Variants in PARD3B observed in about 807,000 individuals in gnomAD.
The protein encoded by PARD3B is par-3 family cell polarity regulator beta, also known as partitioning defective 3 homolog B.
Under a neutral mutation model 130.2 loss-of-function variants are expected in PARD3B, and 103 were observed. The observed-to-expected ratio is 0.79, with a 90% CI of 0.67 to 0.93. The LOEUF is 0.93. PARD3B is among the 40% of genes least tolerant of loss of function. The pLI is 0.00. For missense variants in PARD3B, 1,609 were observed against 1,499.2 expected (o/e 1.07, Z -1.21); for synonymous variants, 583 against 553.2 (o/e 1.05, Z -0.76).
chr2:204,992,117 A>G (rs1441301189), intron 3 of PARD3B, among the ~76,000 whole-genome samples: 1 of 151,386 alleles, frequency 6.6e-6, no homozygotes, highest in African/African-American at 2.4e-5. Context: ...TTTTGTTGCC[A>G]TTGCTTTTGG....
chr2:204,735,741 T>C (rs1055501390), intron 2 of PARD3B, among the ~76,000 whole-genome samples: 4 of 152,168 alleles, frequency 2.6e-5, no homozygotes, highest in African/African-American at 7.2e-5. Flanking sequence ...GGTGTGATAA[T>C]GGCATTTTGG....
At chr2:205,479,845 C>T (rs904443142) in intron 20 of PARD3B, among the ~76,000 whole-genome samples, 5 of 152,036 alleles carry the variant, frequency 3.3e-5, no homozygotes, top group African/African-American at 1.2e-4. Flanking sequence ...TCTGTTCAAC[C>T]TCATCACTTG....
chr2:205,382,082 A>G (rs921095608), intron 18 of PARD3B, among the ~76,000 whole-genome samples: 5 of 152,070 alleles, frequency 3.3e-5, no homozygotes, highest in Non-Finnish European at 5.9e-5. Context: ...CATGGTTACA[A>G]AACTATTAAC....
chr2:205,455,374 A>G (rs777111059), intron 20 of PARD3B, among the ~76,000 whole-genome samples: 2 of 152,074 alleles, frequency 1.3e-5, no homozygotes, highest in Non-Finnish European at 2.9e-5. Flanking sequence ...AAACAGAAAA[A>G]CAGCAGCTGG....
intron 19 of PARD3B, among the ~76,000 whole-genome samples, chr2:205,424,079 A>C (rs567914483): frequency 6.6e-6 from 1 of 152,284 alleles, no homozygotes; most frequent in South Asian, 2.1e-4. Flanking sequence ...CCCTGAACTT[A>C]AAAGTTTTTA....
chr2:205,483,679 C>T (rs370889301), intron 20 of PARD3B, among the ~76,000 whole-genome samples: 1 of 152,024 alleles, frequency 6.6e-6, no homozygotes, highest in Non-Finnish European at 1.5e-5. Context: ...GAAATGATTC[C>T]CTTTTTTTCA....
intron 3 of PARD3B, among the ~76,000 whole-genome samples, chr2:205,004,227 T>C (rs1162668059): frequency 6.6e-6 from 1 of 152,192 alleles, no homozygotes; most frequent in Non-Finnish European, 1.5e-5. Flanking sequence ...TAGAGGAAAC[T>C]AGGGAAGAGA....
Position 205,300,788 on chromosome 2 carries a change from A to G in PARD3B, c.2392+52A>G, listed in dbSNP as rs1465635860. ...CTTCTTCATCTCATTATTATCTGCAAATCATGGGCAAGAATGTGTGCTCAA... is the reference window on the plus strand; with the variant it reads ...CTTCTTCATCTCATTATTATCTGCAGATCATGGGCAAGAATGTGTGCTCAA... On this transcript the variant is annotated intron_variant, in intron 17 of 22. Coordinates refer to ENST00000406610, the MANE Select transcript of PARD3B (RefSeq NM_001302769.2). This position sits in a 1 kb window ranked among gnomAD's most constrained non-coding sequence, Gnocchi z 4.1. The G allele has an allele frequency of 6.5e-7, 1 of 1,534,594 alleles. No individual in the cohort carries two copies. The highest frequency in any genetic ancestry group is 1.7e-5 in the Admixed American group (1 of 57,248).
At chr2:204,593,211 T>A (rs78291070) in intron 1 of PARD3B, among the ~76,000 whole-genome samples, 1 of 151,976 alleles carries the variant, frequency 6.6e-6, no homozygotes, top group African/African-American at 2.4e-5. Flanking sequence ...AGGGCTACTA[T>A]AACAGGTCTT....
rs1415091633 is a variant in PARD3B at position 205,241,497 on chromosome 2, G to A, written c.2141-4281G>A. Among the ~76,000 whole-genome samples, 2 of 151,968 alleles carry A rather than the reference G, an allele frequency of 1.3e-5. No individual in the cohort carries two copies. Among genetic ancestry groups the A allele is most frequent in the Non-Finnish European group, 2.9e-5 (2 of 67,970 alleles). Reference sequence around the variant, plus strand: ...TTCAATTATTGTAATATCCATTTACGATAATCAAGAGCAAGTAGTACCAGT... The same window carrying A: ...TTCAATTATTGTAATATCCATTTACAATAATCAAGAGCAAGTAGTACCAGT... On this transcript the variant is annotated intron_variant, in intron 15 of 22. Transcript: ENST00000406610. This position sits in a 1 kb window ranked among gnomAD's most constrained non-coding sequence, Gnocchi z 4.2.
chr2:204,748,406 T>C (rs543422401), intron 2 of PARD3B, among the ~76,000 whole-genome samples: 100 of 152,268 alleles, frequency 6.6e-4, no homozygotes, highest in African/African-American at 2.3e-3. Context: ...TGTCCTAGTG[T>C]AATGTCCTGC....
At chr2:205,284,578 C>G (rs1385980965) in intron 16 of PARD3B, among the ~76,000 whole-genome samples, 1 of 152,044 alleles carries the variant, frequency 6.6e-6, no homozygotes, top group Non-Finnish European at 1.5e-5. Context: ...AGGCTCTGAC[C>G]CATTAATGGC....
In PARD3B at chr2:205,300,757, A is replaced by C; in HGVS notation, c.2392+21A>C. The stretch of plus-strand genomic sequence containing the variant: ...AGCTGGTAGGATGATATGCTTCCTT[A>C]AATGGCTTCTTCATCTCATTATTAT... On this transcript the variant is annotated intron_variant, in intron 17 of 22. Transcript: ENST00000406610. This position sits in a 1 kb window ranked among gnomAD's most constrained non-coding sequence, Gnocchi z 4.1. 6.3e-7 allele frequency: 1 copy of C among 1,594,104 alleles called. No homozygotes were observed. Among genetic ancestry groups the C allele is most frequent in the Non-Finnish European group, 8.6e-7 (1 of 1,163,890 alleles).
At chr2:204,553,701 C>T (rs28744515) in intron 1 of PARD3B, among the ~76,000 whole-genome samples, 169 of 111,980 alleles carry the variant, frequency 1.5e-3, no homozygotes, top group African/African-American at 6.0e-3. Flanking sequence ...TATATACACA[C>T]ATATATATAA....
intron 1 of PARD3B, among the ~76,000 whole-genome samples, chr2:204,658,970 G>A (rs1267636678): frequency 6.6e-6 from 1 of 152,108 alleles, no homozygotes; most frequent in Non-Finnish European, 1.5e-5. Flanking sequence ...CATTTCTTTG[G>A]AGGTCTATAC....
At chr2:205,084,074 A>G (rs1701598204) in intron 4 of PARD3B, among the ~76,000 whole-genome samples, 1 of 152,144 alleles carries the variant, frequency 6.6e-6, no homozygotes, top group African/African-American at 2.4e-5. Context: ...CTTCGTCCAT[A>G]TTAAAACTTA....
rs2040486799 is a variant in PARD3B, at chr2:205,265,946, T to C, written c.2185+20124T>C. ...TCTTGAGAGAAGGGCTTTTGATTTTTGTTAAAAGCAGCATGCACATCCTAT... is the reference window on the plus strand; with the variant it reads ...TCTTGAGAGAAGGGCTTTTGATTTTCGTTAAAAGCAGCATGCACATCCTAT... On this transcript the variant is annotated intron_variant, in intron 16 of 22. Coordinates refer to ENST00000406610, the MANE Select transcript of PARD3B (RefSeq NM_001302769.2). The surrounding 1 kb of genome is among the most constrained non-coding windows in gnomAD (Gnocchi z 4.3). Among the ~76,000 whole-genome samples, 1 of 152,094 alleles carries C rather than the reference T, an allele frequency of 6.6e-6. No homozygotes were observed. The highest frequency in any genetic ancestry group is 2.4e-5 in the African/African-American group (1 of 41,436).
At chr2:205,598,174 T>C (rs2054638452) in intron 22 of PARD3B, among the ~76,000 whole-genome samples, 1 of 152,168 alleles carries the variant, frequency 6.6e-6, no homozygotes, top group African/African-American at 2.4e-5. Context: ...AGTGATAAGT[T>C]AGATAAAGAA....
chr2:204,559,387 C>A (rs888611368), intron 1 of PARD3B, among the ~76,000 whole-genome samples: 1 of 152,164 alleles, frequency 6.6e-6, no homozygotes, highest in Non-Finnish European at 1.5e-5. Context: ...AGGTTATGAA[C>A]AGACACCTCT....
Sources: gnomAD v4.1 joint callset for allele counts (sites outside exome capture counted in the v4.1 genomes callset) on GRCh38, gnomAD v4.1.1 for gene constraint, Gnocchi (gnomAD v3.1) non-coding constraint, MANE v1.5 for transcripts, NCBI Gene and HGNC (gene_info 2026-07-23, HGNC 2026-07-21) for gene names.